Variants in SPAG16 observed in about 807,000 individuals in gnomAD.
The protein encoded by SPAG16 is sperm associated antigen 16, also known as sperm-associated antigen 16 protein.
Under a neutral mutation model 80.4 loss-of-function variants are expected in SPAG16, and 86 were observed. The observed-to-expected ratio is 1.07, with a 90% CI of 0.90 to 1.28. The LOEUF is 1.28. SPAG16 is among the 50% of genes most tolerant of loss of function. The pLI, the probability that SPAG16 is intolerant of heterozygous loss-of-function variation, is 0.00. For missense variants in SPAG16, 870 were observed against 765.3 expected (o/e 1.14, Z -1.61); for synonymous variants, 294 against 265.9 (o/e 1.11, Z -1.03).
chr2:213,540,898 AAGAG>A (rs1468571637), intron 10 of SPAG16, among the ~76,000 whole-genome samples: 1 of 152,210 alleles, frequency 6.6e-6, no homozygotes, highest in Non-Finnish European at 1.5e-5. Context: ...CACACACCAA[AAGAG>A]AGAATGTGAA....
intron 10 of SPAG16, among the ~76,000 whole-genome samples, chr2:213,634,895 C>G (rs1398142889): frequency 6.6e-6 from 1 of 152,040 alleles, no homozygotes; most frequent in Non-Finnish European, 1.5e-5. Context: ...GAATAATGGT[C>G]TCCAACTCCA....
At chr2:213,392,847 T>TAA (rs570666549) in intron 9 of SPAG16, among the ~76,000 whole-genome samples, 3 of 140,976 alleles carry the variant, frequency 2.1e-5, no homozygotes, top group African/African-American at 5.2e-5. Flanking sequence ...CTCTGTCTCT[T>TAA]AAAAAAAAAA....
At chr2:214,104,227 G>A (rs1372329459) in intron 13 of SPAG16, among the ~76,000 whole-genome samples, 1 of 152,178 alleles carries the variant, frequency 6.6e-6, no homozygotes, top group Non-Finnish European at 1.5e-5. Context: ...CAGTGAAAAG[G>A]AAGAGTGGTA....
At chr2:213,518,254 C>G (rs1049493986) in intron 10 of SPAG16, among the ~76,000 whole-genome samples, 1 of 152,278 alleles carries the variant, frequency 6.6e-6, no homozygotes. Flanking sequence ...GCAAAACCAT[C>G]GTACACCAGG....
At chr2:214,234,250 G>A (rs1688918204) in intron 15 of SPAG16, among the ~76,000 whole-genome samples, 1 of 151,950 alleles carries the variant, frequency 6.6e-6, no homozygotes, top group South Asian at 2.1e-4. Context: ...AGTATTCCAT[G>A]GTGTATATGT....
intron 10 of SPAG16, among the ~76,000 whole-genome samples, chr2:213,761,815 G>A (rs1054635060): frequency 1.3e-5 from 2 of 152,062 alleles, no homozygotes; most frequent in East Asian, 1.9e-4. Context: ...GCAGTGAGCC[G>A]AGATCGTGCC....
At position 213,586,154 on chromosome 2, in the gene SPAG16, A is replaced by G. The variant is rs918888235; in HGVS notation, c.1070+96064A>G. Among the ~76,000 whole-genome samples, 6 of 152,226 alleles carry G rather than the reference A, an allele frequency of 3.9e-5. 1 individual carries two copies. Among genetic ancestry groups the G allele is most frequent in the Admixed American group, 3.9e-4 (6 of 15,288 alleles). Reference sequence around the variant, plus strand: ...AATAGTTTTCGGTGGAAAACTGGCTATATGAAATAAAACATTACCTTTTCA... The same window carrying G: ...AATAGTTTTCGGTGGAAAACTGGCTGTATGAAATAAAACATTACCTTTTCA... On this transcript the variant is annotated intron_variant, in intron 10 of 15. Transcript: ENST00000331683.
intron 15 of SPAG16, among the ~76,000 whole-genome samples, chr2:214,211,330 T>C (rs1199647004): frequency 6.6e-6 from 1 of 152,190 alleles, no homozygotes; most frequent in Admixed American, 6.5e-5. Context: ...ATTTTTAACA[T>C]GGTTCTCAAA....
chr2:214,117,916 A>G (rs1223132895), intron 14 of SPAG16, among the ~76,000 whole-genome samples: 2 of 152,200 alleles, frequency 1.3e-5, no homozygotes, highest in African/African-American at 4.8e-5. Flanking sequence ...GGAAAAGCTG[A>G]AAGTTTTTCC....
chr2:213,893,211 A>G (rs1446811520), intron 11 of SPAG16, among the ~76,000 whole-genome samples: 2 of 152,218 alleles, frequency 1.3e-5, no homozygotes, highest in Admixed American at 1.3e-4. Flanking sequence ...ACTGTATTCA[A>G]CAAAGCTGTC....
At chr2:213,636,965 C>A (rs1410065173) in intron 10 of SPAG16, among the ~76,000 whole-genome samples, 1 of 152,110 alleles carries the variant, frequency 6.6e-6, no homozygotes, top group Non-Finnish European at 1.5e-5. Context: ...TGTCTCATTG[C>A]TCTAGCCAGG....
intron 15 of SPAG16, among the ~76,000 whole-genome samples, chr2:214,390,195 T>C (rs1421460828): frequency 1.3e-5 from 2 of 152,122 alleles, no homozygotes; most frequent in Non-Finnish European, 2.9e-5. Flanking sequence ...ATATTATACC[T>C]CCAGTAATGG....
chr2:214,252,299 ATTT>A (rs1690348485), intron 15 of SPAG16, among the ~76,000 whole-genome samples: 1 of 151,408 alleles, frequency 6.6e-6, no homozygotes, highest in African/African-American at 2.4e-5. Context: ...TTTTATTTTA[ATTT>A]TTTATTATTA....
intron 11 of SPAG16, among the ~76,000 whole-genome samples, chr2:213,927,322 A>G (rs2078527746): frequency 6.6e-6 from 1 of 152,120 alleles, no homozygotes; most frequent in Non-Finnish European, 1.5e-5. Context: ...TCTTTTTGAG[A>G]GCTTTGGTTC....
chr2:214,037,981 G>A (rs1049115377), intron 13 of SPAG16, among the ~76,000 whole-genome samples: 5 of 150,580 alleles, frequency 3.3e-5, no homozygotes, highest in Non-Finnish European at 5.9e-5. Flanking sequence ...AACATATTGG[G>A]TTTTACTTTG....
At chr2:213,657,648 A>C (rs1254489275) in intron 10 of SPAG16, among the ~76,000 whole-genome samples, 2 of 152,130 alleles carry the variant, frequency 1.3e-5, no homozygotes, top group Admixed American at 6.6e-5. Flanking sequence ...ACAATTTCAG[A>C]GTTTTGAATC....
At chr2:213,403,432 T>C (rs1446247832) in intron 9 of SPAG16, among the ~76,000 whole-genome samples, 4 of 152,172 alleles carry the variant, frequency 2.6e-5, no homozygotes, top group Non-Finnish European at 4.4e-5. Flanking sequence ...TTATCCAGCA[T>C]ATAAACAGAA....
chr2:213,823,571 G>A lies in SPAG16; in HGVS notation c.1071-38914G>A, dbSNP rs376397250. Among the ~76,000 whole-genome samples, 10 of 152,208 alleles carry A rather than the reference G, an allele frequency of 6.6e-5. No homozygotes were observed. The South Asian group carries it at 1.5e-3, about 22-fold the overall frequency. ...GATAGGGTTTCTCCATGTTTGTCAG[G>A]CTGGTCTCAGACTCCAGACCTCAGG... On this transcript the variant is annotated intron_variant, in intron 10 of 15. Coordinates refer to ENST00000331683, the MANE Select transcript of SPAG16 (RefSeq NM_024532.5).
intron 10 of SPAG16, among the ~76,000 whole-genome samples, chr2:213,766,989 G>A (rs2068969933): frequency 6.6e-6 from 1 of 152,280 alleles, no homozygotes; most frequent in African/African-American, 2.4e-5. Flanking sequence ...ATCATGGATA[G>A]GTTTTCAGTC....
Sources: allele counts gnomAD v4.1 joint callset (sites outside exome capture counted in the v4.1 genomes callset), GRCh38; gene constraint gnomAD v4.1.1; transcripts MANE v1.5; gene names NCBI Gene and HGNC (gene_info 2026-07-23, HGNC 2026-07-21).